The following CDK14 variants were observed in gnomAD, a reference collection of about 807,000 sequenced individuals.
The protein encoded by CDK14 is cyclin-dependent kinase 14.
A neutral mutation model predicts 60.7 loss-of-function variants in CDK14; 34 were observed. The observed-to-expected ratio is 0.56, with a 90% CI of 0.43 to 0.75. CDK14 has a LOEUF of 0.75. Among genes scored for constraint, CDK14 ranks in the 30% least tolerant of loss-of-function variants. CDK14 has a pLI of 0.00. For synonymous variants in CDK14, 197 were observed against 203.7 expected (o/e 0.97, Z 0.28); for missense variants, 482 against 564.1 (o/e 0.85, Z 1.47).
rs754493627 is a variant in CDK14 at position 91,029,414 on chromosome 7, G to C, written c.1042-16483G>C. On this transcript the variant is annotated intron_variant, in intron 10 of 14. Coordinates refer to ENST00000380050, the MANE Select transcript of CDK14 (RefSeq NM_001287135.2). ...CTCTATGGATTGCTTTGGGCAGTGT[G>C]GTCATTTTCACAATATTGATGCTTT... Among the ~76,000 whole-genome samples, 435 of 151,596 alleles carry C rather than the reference G, an allele frequency of 2.9e-3. 3 individuals carry two copies. The highest frequency in any genetic ancestry group is 5.0e-4 in the Non-Finnish European group (34 of 67,908).
intron 11 of CDK14, among the ~76,000 whole-genome samples, chr7:91,058,876 G>C (rs144101853): frequency 0.014 from 2,200 of 152,014 alleles, 51 homozygotes; most frequent in African/African-American, 0.05. Context: ...TTTTTTTGTT[G>C]TGTCTCTGCC....
At chr7:91,205,143 T>A (rs1322250663) in intron 14 of CDK14, among the ~76,000 whole-genome samples, 1 of 152,092 alleles carries the variant, frequency 6.6e-6, no homozygotes, top group Non-Finnish European at 1.5e-5. Flanking sequence ...CCTCAAAAAG[T>A]TAAACATATA....
chr7:91,192,116 A>T (rs996612010), intron 14 of CDK14, among the ~76,000 whole-genome samples: 1 of 152,186 alleles, frequency 6.6e-6, no homozygotes, highest in Non-Finnish European at 1.5e-5. Flanking sequence ...CAAGGAAGGC[A>T]CAAGTAACTT....
At chr7:90,641,547 G>A (rs1055538553) in intron 2 of CDK14, among the ~76,000 whole-genome samples, 1 of 151,900 alleles carries the variant, frequency 6.6e-6, no homozygotes, top group Non-Finnish European at 1.5e-5. Flanking sequence ...GTATGATTCT[G>A]TTTATATGAA....
intron 2 of CDK14, among the ~76,000 whole-genome samples, chr7:90,686,659 T>C (rs1801443378): frequency 6.6e-6 from 1 of 152,118 alleles, no homozygotes. Context: ...GTCAACTAAA[T>C]GAATTAACCA....
chr7:90,981,315 G>A (rs1423497746), intron 9 of CDK14, among the ~76,000 whole-genome samples: 1 of 152,136 alleles, frequency 6.6e-6, no homozygotes. Flanking sequence ...TACCTATGTT[G>A]TCTCTCAAAT....
At chr7:90,743,972 T>C (rs1803460596) in intron 3 of CDK14, among the ~76,000 whole-genome samples, 1 of 152,194 alleles carries the variant, frequency 6.6e-6, no homozygotes, top group African/African-American at 2.4e-5. Flanking sequence ...GTATGTTTAT[T>C]GTAATCATTG....
At chr7:91,085,045 C>A (rs913883250) in intron 12 of CDK14, among the ~76,000 whole-genome samples, 2 of 152,182 alleles carry the variant, frequency 1.3e-5, no homozygotes, top group African/African-American at 4.8e-5. Flanking sequence ...TCTGTTCTCC[C>A]AAATATGCCA....
chr7:90,968,433 C>A (rs1794820531), intron 9 of CDK14, among the ~76,000 whole-genome samples: 1 of 152,174 alleles, frequency 6.6e-6, no homozygotes, highest in South Asian at 2.1e-4. Context: ...ATGACAGAAT[C>A]CGAGTAGCTT....
At chr7:91,133,156 G>A (rs933369319) in intron 14 of CDK14, among the ~76,000 whole-genome samples, 3 of 152,106 alleles carry the variant, frequency 2.0e-5, no homozygotes, top group Admixed American at 6.6e-5. Flanking sequence ...TAAGAATTCA[G>A]TATCTTCATG....
At chr7:91,134,576 T>A (rs2115564906) in intron 14 of CDK14, among the ~76,000 whole-genome samples, 1 of 152,246 alleles carries the variant, frequency 6.6e-6, no homozygotes, top group East Asian at 1.9e-4. Flanking sequence ...AAATTTCTAT[T>A]AAGAAAATGA....
chr7:90,989,674 C>T (rs1342879158), intron 10 of CDK14, among the ~76,000 whole-genome samples: 2 of 152,072 alleles, frequency 1.3e-5, no homozygotes, highest in Admixed American at 6.6e-5. Flanking sequence ...AAATACTGAA[C>T]GCTAAGAGTT....
intron 2 of CDK14, among the ~76,000 whole-genome samples, chr7:90,683,632 C>G (rs1447813587): frequency 6.6e-6 from 1 of 152,182 alleles, no homozygotes; most frequent in Non-Finnish European, 1.5e-5. Flanking sequence ...GAAACCCCAT[C>G]TCTACTAAAA....
intron 10 of CDK14, among the ~76,000 whole-genome samples, chr7:91,029,090 T>G (rs1449367349): frequency 6.6e-6 from 1 of 152,214 alleles, no homozygotes; most frequent in Non-Finnish European, 1.5e-5. Flanking sequence ...TGGTTTCTGG[T>G]CTTACATTTA....
At chr7:90,975,916 A>G (rs901832326) in intron 9 of CDK14, among the ~76,000 whole-genome samples, 1 of 152,044 alleles carries the variant, frequency 6.6e-6, no homozygotes, top group East Asian at 1.9e-4. Flanking sequence ...CTTGTAGACC[A>G]TATTTTCTTC....
At chr7:90,974,936 G>A (rs919706477) in intron 9 of CDK14, among the ~76,000 whole-genome samples, 1 of 152,178 alleles carries the variant, frequency 6.6e-6, no homozygotes, top group Admixed American at 6.5e-5. Context: ...GTCTGGTAAT[G>A]TTGCCATATC....
chr7:90,608,062 G>T (rs1052563245), intron 2 of CDK14, among the ~76,000 whole-genome samples: 2 of 152,110 alleles, frequency 1.3e-5, no homozygotes, highest in Admixed American at 1.3e-4. Context: ...AGTTTTTAGT[G>T]GACATAATGT....
At chr7:91,143,419 TTAA>T (rs1013556451) in intron 14 of CDK14, among the ~76,000 whole-genome samples, 1 of 152,034 alleles carries the variant, frequency 6.6e-6, no homozygotes, top group South Asian at 2.1e-4. Context: ...AATTGTAAGG[TTAA>T]TAATAATAAT....
At chr7:91,123,380 A>T (rs960088037) in intron 14 of CDK14, among the ~76,000 whole-genome samples, 1 of 152,130 alleles carries the variant, frequency 6.6e-6, no homozygotes, top group African/African-American at 2.4e-5. Context: ...GTAATTGACA[A>T]CAATTGTTGA....
Sources: allele counts gnomAD v4.1 joint callset (sites outside exome capture counted in the v4.1 genomes callset), GRCh38; gene constraint gnomAD v4.1.1; transcripts MANE v1.5; gene names NCBI Gene and HGNC (gene_info 2026-07-23, HGNC 2026-07-21).